Variants in ABCA13 observed in about 807,000 individuals in gnomAD.
The protein encoded by ABCA13 is ATP binding cassette subfamily A member 13.
In ABCA13, 476 loss-of-function variants were observed where a neutral mutation model predicts 478.7. The ratio of observed to expected loss-of-function variants is 0.99; its 90% confidence interval spans 0.92 to 1.07. The LOEUF is 1.07. Among genes scored for constraint, ABCA13 ranks in the 50% least tolerant of loss-of-function variants. The pLI is 0.00. For synonymous variants in ABCA13, 2,252 were observed against 2,158.9 expected (o/e 1.04, Z -1.20); for missense variants, 6,060 against 5,910.6 (o/e 1.03, Z -0.83).
At chr7:48,417,375 A>G (rs1017323213) in intron 41 of ABCA13, among the ~76,000 whole-genome samples, 9 of 152,012 alleles carry the variant, frequency 5.9e-5, no homozygotes, top group Non-Finnish European at 1.5e-5. Flanking sequence ...GCTGCCCCAT[A>G]TCTTCTTCAA....
chr7:48,581,131 C>T (rs570059286), intron 56 of ABCA13, among the ~76,000 whole-genome samples: 15 of 152,212 alleles, frequency 9.9e-5, no homozygotes, highest in South Asian at 2.1e-4. Flanking sequence ...GGTGCGTGCT[C>T]CTCAGATTTC....
chr7:48,300,295 A>T (rs756141343), intron 23 of ABCA13, among the ~76,000 whole-genome samples: 1 of 152,240 alleles, frequency 6.6e-6, no homozygotes, highest in Non-Finnish European at 1.5e-5. Flanking sequence ...AATTGCAGAA[A>T]TCTTCATTCA....
At chr7:48,250,937 G>T (rs1214945088) in intron 15 of ABCA13, among the ~76,000 whole-genome samples, 1 of 152,156 alleles carries the variant, frequency 6.6e-6, no homozygotes, top group African/African-American at 2.4e-5. Context: ...GACAGGAAAT[G>T]GGAGTTTCTC....
At chr7:48,369,619 A>G (rs1354645625) in intron 32 of ABCA13, among the ~76,000 whole-genome samples, 4 of 152,102 alleles carry the variant, frequency 2.6e-5, no homozygotes, top group African/African-American at 4.8e-5. Flanking sequence ...TGGGTTGCCA[A>G]TTATCCCAAC....
intron 1 of ABCA13, among the ~76,000 whole-genome samples, chr7:48,178,820 C>T (rs899404299): frequency 5.3e-5 from 8 of 151,322 alleles, no homozygotes; most frequent in African/African-American, 1.7e-4. Context: ...ATTCGACTGT[C>T]AGGCTGAAAA....
chr7:48,571,942 C>T (rs921582525), intron 55 of ABCA13, among the ~76,000 whole-genome samples: 1 of 152,058 alleles, frequency 6.6e-6, no homozygotes, highest in Non-Finnish European at 1.5e-5. Flanking sequence ...CTGTGGGAGG[C>T]CGAGGTGGAT....
Position 48,244,810 on chromosome 7 carries a change from A to T in ABCA13, c.1390+107A>T. 2.2e-6 allele frequency: 3 copies of T among 1,388,520 alleles called. No individual in the cohort carries two copies. The Admixed American group carries it at 6.8e-5, about 31-fold the overall frequency. The allele number at this position is 1,388,520 out of a possible 1,614,324, so 86.0% of individuals were successfully genotyped here. On this transcript the variant is annotated intron_variant, in intron 11 of 61. Transcript: ENST00000435803. ...TGACACATTGTAAAGTTGGGAGATA[A>T]CTTTGCTGGTGTCATATGCATATTT...
chr7:48,249,885 A>G (rs886223508), intron 15 of ABCA13, among the ~76,000 whole-genome samples: 2 of 152,166 alleles, frequency 1.3e-5, no homozygotes, highest in African/African-American at 2.4e-5. Context: ...GTGTCCTACA[A>G]TTCGATTCAA....
intron 57 of ABCA13, among the ~76,000 whole-genome samples, chr7:48,594,108 T>A (rs1387898867): frequency 1.3e-5 from 2 of 152,154 alleles, no homozygotes; most frequent in East Asian, 3.8e-4. Context: ...TATCCAAATT[T>A]GGGAATGTTT....
rs760580083 is a variant in ABCA13, at chr7:48,483,154, T to G, written c.13173T>G (p.Thr4391=). The change falls in exon 47 of 62, where the codon ACT becomes ACG. Residue 4391 remains threonine, a synonymous_variant. Coordinates refer to ENST00000435803, the MANE Select transcript of ABCA13 (RefSeq NM_152701.5). ...GANGNISKPP[T]LAKVWYNQKG... is the part of the protein sequence containing the mutation. ...ATGGAAACATATCAAAACCCCCAAC[T>G]CTGGCAAAGGTAATCATATTTTTTT... The G allele has an allele frequency of 1.6e-5, 26 of 1,612,152 alleles. No homozygotes were observed. The South Asian group carries it at 2.8e-4, about 17-fold the overall frequency.
chr7:48,249,389 T>C (rs1216981858), intron 15 of ABCA13, 38 bp downstream of exon 15: 2 of 1,606,020 alleles, frequency 1.2e-6, no homozygotes, highest in Admixed American at 3.4e-5. Context: ...TGGGGGATGC[T>C]TTCCCCTTTT....
chr7:48,614,586 G>A (rs925077512), intron 58 of ABCA13, among the ~76,000 whole-genome samples: 25 of 150,968 alleles, frequency 1.7e-4, no homozygotes, highest in African/African-American at 3.6e-4. Context: ...ACATGCACAC[G>A]TATGTTTATT....
chr7:48,412,511 C>A lies in ABCA13; in HGVS notation c.12387C>A (p.Phe4129Leu). The change falls in exon 41 of 62, where the codon TTC becomes TTA. Residue 4129 changes from phenylalanine to leucine, a missense_variant. By Grantham distance (22) the Phe-to-Leu change is conservative. Coordinates refer to ENST00000435803, the MANE Select transcript of ABCA13 (RefSeq NM_152701.5). ...DTDKACLKGLFQALDENLHQL... is the reference protein window; with the variant it reads ...DTDKACLKGLLQALDENLHQL... ...ACAAGGCCTGCTTGAAAGGGCTCTT[C>A]CAGGCCCTGGATGAGAACCTGCATC... 1 of 1,613,492 alleles carries A rather than the reference C, an allele frequency of 6.2e-7. No individual in the cohort carries two copies. Among genetic ancestry groups the A allele is most frequent in the African/African-American group, 1.3e-5 (1 of 74,846 alleles).
intron 42 of ABCA13, among the ~76,000 whole-genome samples, chr7:48,432,526 T>C (rs1822284028): frequency 6.6e-6 from 1 of 152,156 alleles, no homozygotes; most frequent in African/African-American, 2.4e-5. Context: ...ACTCTAATGT[T>C]TATTGCAGCA....
chr7:48,255,314 T>C, intron 15 of ABCA13, among the ~76,000 whole-genome samples: 1 of 152,142 alleles, frequency 6.6e-6, no homozygotes, highest in East Asian at 1.9e-4. Flanking sequence ...GCCATGTGAT[T>C]TGGTGGCAAA....
At chr7:48,553,518 A>T (rs998215375) in intron 55 of ABCA13, among the ~76,000 whole-genome samples, 3 of 151,800 alleles carry the variant, frequency 2.0e-5, no homozygotes, top group African/African-American at 7.2e-5. Context: ...AACTGGGGTG[A>T]GATATCTTTT....
At chr7:48,555,860 T>C (rs762731716) in intron 55 of ABCA13, among the ~76,000 whole-genome samples, 28 of 151,828 alleles carry the variant, frequency 1.8e-4, no homozygotes, top group Middle Eastern at 3.4e-3. Flanking sequence ...TTGGGTTTGG[T>C]TTGCTCTTGC....
intron 3 of ABCA13, among the ~76,000 whole-genome samples, chr7:48,210,954 G>A (rs1785562621): frequency 6.6e-6 from 1 of 152,152 alleles, no homozygotes; most frequent in African/African-American, 2.4e-5. Context: ...GTCTCCAGCT[G>A]TGATTATATT....
intron 27 of ABCA13, among the ~76,000 whole-genome samples, chr7:48,318,656 C>G (rs1802942871): frequency 6.6e-6 from 1 of 151,934 alleles, no homozygotes. Context: ...GTGAGCTGTT[C>G]TGTTGGGCAG....
Sources: gnomAD v4.1 joint callset for allele counts (sites outside exome capture counted in the v4.1 genomes callset) on GRCh38, gnomAD v4.1.1 for gene constraint, MANE v1.5 for transcripts, NCBI Gene and HGNC (gene_info 2026-07-23, HGNC 2026-07-21) for gene names.